RABGAP1L: variants seen among roughly 807,000 people sequenced by gnomAD.
The protein encoded by RABGAP1L is RAB GTPase activating protein 1 like, also known as rab GTPase-activating protein 1-like.
A neutral mutation model predicts 137.7 loss-of-function variants in RABGAP1L; 63 were observed. The ratio of observed to expected loss-of-function variants is 0.46; its 90% CI spans 0.37 to 0.56. The LOEUF (loss-of-function observed/expected upper bound fraction) is 0.56, where lower values mean the gene tolerates loss of function less well. Ranked by LOEUF, RABGAP1L falls within the 20% of genes least tolerant of loss-of-function variation. The pLI is 0.00. For synonymous variants in RABGAP1L, 431 were observed against 433.7 expected, an observed-to-expected ratio of 0.99 and a Z score of 0.08; for missense variants, 1,095 against 1,244.0, an observed-to-expected ratio of 0.88 and a Z score of 1.80.
intron 14 of RABGAP1L, among the ~76,000 whole-genome samples, chr1:174,675,128 A>C (rs376298540): frequency 6.6e-6 from 1 of 152,210 alleles, no homozygotes; most frequent in Non-Finnish European, 1.5e-5. Context: ...TTTTGTTGCC[A>C]TTGCTTTTGG....
chr1:174,410,045 C>G (rs1649737901), intron 13 of RABGAP1L, among the ~76,000 whole-genome samples: 1 of 152,110 alleles, frequency 6.6e-6, no homozygotes, highest in African/African-American at 2.4e-5. Context: ...AGCATGTGAT[C>G]TTTGTGACCT....
chr1:174,637,176 A>G (rs1158923156), intron 13 of RABGAP1L, among the ~76,000 whole-genome samples, 199 bp from the exon 14 acceptor site: 1 of 152,220 alleles, frequency 6.6e-6, no homozygotes, highest in East Asian at 1.9e-4. Flanking sequence ...ATGTATAGAT[A>G]GATGGGTGAA....
chr1:174,957,571 T>A, intron 20 of RABGAP1L, 22 bp downstream of exon 20: 1 of 1,564,326 alleles, frequency 6.4e-7, no homozygotes, highest in Non-Finnish European at 8.8e-7. Context: ...ATGTTGCACC[T>A]ATCAAAGTAC....
At chr1:174,510,237 C>T (rs925224690) in intron 13 of RABGAP1L, among the ~76,000 whole-genome samples, 4 of 152,130 alleles carry the variant, frequency 2.6e-5, no homozygotes, top group African/African-American at 7.2e-5. Flanking sequence ...CCCTCAGATA[C>T]GTTATGTTAT....
chr1:174,213,570 A>G (rs1669063386), intron 1 of RABGAP1L, among the ~76,000 whole-genome samples: 1 of 152,224 alleles, frequency 6.6e-6, no homozygotes, highest in South Asian at 2.1e-4. Context: ...CGATGCAAAA[A>G]TCCTCAACAA....
chr1:174,386,127 G>A (rs904126769), intron 12 of RABGAP1L, among the ~76,000 whole-genome samples: 22 of 152,320 alleles, frequency 1.4e-4, no homozygotes, highest in African/African-American at 5.3e-4. Flanking sequence ...AGCAGAGATA[G>A]CTCATTGTAA....
At chr1:174,350,411 C>T (rs1469190397) in intron 11 of RABGAP1L, among the ~76,000 whole-genome samples, 5 of 85,680 alleles carry the variant, frequency 5.8e-5, no homozygotes, top group South Asian at 5.6e-4. Flanking sequence ...ACCTCCCAGA[C>T]GGGGTCTCGG....
At chr1:174,849,965 C>T in intron 19 of RABGAP1L, 1 of 725,962 alleles carries the variant, frequency 1.4e-6, no homozygotes. Context: ...AATCAACATA[C>T]ACATCTTTTA....
intron 17 of RABGAP1L, among the ~76,000 whole-genome samples, chr1:174,703,951 T>C (rs1679862380): frequency 6.6e-6 from 1 of 152,180 alleles, no homozygotes; most frequent in Non-Finnish European, 1.5e-5. Context: ...TCTGTTGTCA[T>C]TGAGTTGTTT....
chr1:174,197,150 A>G (rs77625697), intron 1 of RABGAP1L, among the ~76,000 whole-genome samples: 1 of 152,200 alleles, frequency 6.6e-6, no homozygotes, highest in Non-Finnish European at 1.5e-5. Flanking sequence ...TATGAATTAT[A>G]TCCTTTTCTC....
At chr1:174,849,585 C>G (rs973319920) in intron 19 of RABGAP1L, 14 of 354,412 alleles carry the variant, frequency 4.0e-5, no homozygotes, top group Non-Finnish European at 7.7e-5. Context: ...GCATTAAACA[C>G]ATGGTAATTA....
At chr1:174,778,993 A>G (rs932145884) in intron 18 of RABGAP1L, among the ~76,000 whole-genome samples, 3 of 152,176 alleles carry the variant, frequency 2.0e-5, no homozygotes, top group Non-Finnish European at 4.4e-5. Flanking sequence ...CCAACTTCCA[A>G]TTTAATAACT....
At chr1:174,328,004 T>TACATAC (rs1558136412) in intron 11 of RABGAP1L, among the ~76,000 whole-genome samples, 2 of 121,758 alleles carry the variant, frequency 1.6e-5, no homozygotes, top group African/African-American at 9.5e-5. Context: ...TATATATATA[T>TACATAC]ATATATATAT....
At chr1:174,347,195 C>T (rs527891569) in intron 11 of RABGAP1L, among the ~76,000 whole-genome samples, 69 of 152,280 alleles carry the variant, frequency 4.5e-4, no homozygotes, top group African/African-American at 1.5e-3. Flanking sequence ...TCTGTAGCCA[C>T]TGGATCAAAT....
At chr1:174,865,578 A>AT (rs58014834) in intron 19 of RABGAP1L, among the ~76,000 whole-genome samples, 10 of 151,756 alleles carry the variant, frequency 6.6e-5, no homozygotes, top group East Asian at 1.9e-4. Context: ...GATATCAGAG[A>AT]TTTTTTTTTG....
At chr1:174,377,377 A>G (rs1571495028) in intron 12 of RABGAP1L, among the ~76,000 whole-genome samples, 1 of 152,202 alleles carries the variant, frequency 6.6e-6, no homozygotes, top group African/African-American at 2.4e-5. Flanking sequence ...TAGGAAGCAG[A>G]GTAACTAGAA....
chr1:174,172,176 T>TTGTGTGTGTGTG (rs34345014), intron 1 of RABGAP1L, among the ~76,000 whole-genome samples: 6 of 123,610 alleles, frequency 4.9e-5, no homozygotes, highest in African/African-American at 9.1e-5. Flanking sequence ...TAATATTCCC[T>TTGTGTGTGTGTG]TGTGTGTGTG....
chr1:174,492,019 A>AAACCAATGCCTGGTTT (rs1660285720), intron 13 of RABGAP1L, among the ~76,000 whole-genome samples: 1 of 152,070 alleles, frequency 6.6e-6, no homozygotes, highest in Admixed American at 6.5e-5. Flanking sequence ...TCTTTCTGTA[A>AAACCAATGCCTGGTTT]TATTCAGTTA....
At chr1:174,289,450 T>G (rs542806777) in intron 10 of RABGAP1L, among the ~76,000 whole-genome samples, 1 of 152,366 alleles carries the variant, frequency 6.6e-6, no homozygotes, top group South Asian at 2.1e-4. Context: ...TTAAGAGTAT[T>G]ATTCTAAATT....
Sources: allele counts gnomAD v4.1 joint callset (sites outside exome capture counted in the v4.1 genomes callset), GRCh38; gene constraint gnomAD v4.1.1; transcripts MANE v1.5; gene names NCBI Gene and HGNC (gene_info 2026-07-23, HGNC 2026-07-21).